The following APIP variants were observed in gnomAD, a reference collection of about 807,000 sequenced individuals.
APIP encodes APAF1 interacting protein, also known as methylthioribulose-1-phosphate dehydratase.
A neutral mutation model predicts 32.0 loss-of-function variants in APIP; 32 were observed. The observed-to-expected ratio is 1.00, with a 90% confidence interval of 0.76 to 1.34. APIP has a LOEUF of 1.34. Ranked by LOEUF, APIP falls within the 40% of genes most tolerant of loss-of-function variation. The probability of loss-of-function intolerance (pLI) is 0.00; values close to 1 mark genes in which losing one functional copy is unlikely to be tolerated. For synonymous variants in APIP, 92 were observed against 94.8 expected, an observed-to-expected ratio of 0.97 and a Z score of 0.17; for missense variants, 247 against 298.6, an observed-to-expected ratio of 0.83 and a Z score of 1.27.
intron 5 of APIP, among the ~76,000 whole-genome samples, chr11:34,884,696 C>T (rs547734554): frequency 6.6e-6 from 1 of 150,582 alleles, no homozygotes; most frequent in African/African-American, 2.4e-5. Flanking sequence ...TACACTCTAG[C>T]CTTGGCGACA....
chr11:34,914,581 C>A (rs1299964187), intron 1 of APIP, among the ~76,000 whole-genome samples: 1 of 152,070 alleles, frequency 6.6e-6, no homozygotes, highest in Non-Finnish European at 1.5e-5. Context: ...GCTGTGGTAA[C>A]CTGGCCAGCA....
chr11:34,900,325 C>T (rs911988998), intron 1 of APIP, among the ~76,000 whole-genome samples: 2 of 151,206 alleles, frequency 1.3e-5, no homozygotes, highest in African/African-American at 4.9e-5. Context: ...CTTCCAGTCC[C>T]CCTCCAATTG....
At chr11:34,915,519 T>C (rs570072573) in intron 1 of APIP, among the ~76,000 whole-genome samples, 5 of 152,322 alleles carry the variant, frequency 3.3e-5, no homozygotes, top group Admixed American at 2.6e-4. Flanking sequence ...TATCATATTG[T>C]GCTGAAACTG....
At chr11:34,883,846 T>C (rs1295272120) in intron 5 of APIP, among the ~76,000 whole-genome samples, 1 of 152,222 alleles carries the variant, frequency 6.6e-6, no homozygotes, top group Non-Finnish European at 1.5e-5. Flanking sequence ...GCAAATGATA[T>C]ATTTCAGAAT....
chr11:34,890,473 A>T, intron 3 of APIP, 31 bp downstream of exon 3: 1 of 1,584,238 alleles, frequency 6.3e-7, no homozygotes, highest in Non-Finnish European at 8.6e-7. Flanking sequence ...AGAAGAAAAG[A>T]CACTGAGGTT....
At chr11:34,888,074 T>TTAC (rs1853107668) in intron 5 of APIP, among the ~76,000 whole-genome samples, 1 of 152,098 alleles carries the variant, frequency 6.6e-6, no homozygotes, top group South Asian at 2.1e-4. Flanking sequence ...ATTATTCATA[T>TTAC]TACTAATAAT....
At chr11:34,896,908 A>T in intron 1 of APIP, 1 of 953,690 alleles carries the variant, frequency 1.0e-6, no homozygotes. Flanking sequence ...AAACCTAATG[A>T]AAAATCCCCA....
At chr11:34,909,606 A>G (rs1363497599) in intron 1 of APIP, among the ~76,000 whole-genome samples, 1 of 152,134 alleles carries the variant, frequency 6.6e-6, no homozygotes, top group Non-Finnish European at 1.5e-5. Context: ...GCAGGTGTGA[A>G]GGCTCTGAAG....
chr11:34,912,060 T>C (rs927389518), intron 1 of APIP, among the ~76,000 whole-genome samples: 2 of 152,202 alleles, frequency 1.3e-5, no homozygotes, highest in African/African-American at 4.8e-5. Context: ...TGACTTTTGC[T>C]GATGTTAGAA....
intron 1 of APIP, among the ~76,000 whole-genome samples, chr11:34,898,954 G>A (rs549353074): frequency 2.6e-4 from 39 of 151,864 alleles, no homozygotes; most frequent in Middle Eastern, 3.4e-3. Flanking sequence ...GCCCGCCACC[G>A]CGCCCAGCTA....
intron 1 of APIP, among the ~76,000 whole-genome samples, chr11:34,910,018 T>C (rs142275706): frequency 4.1e-4 from 62 of 152,074 alleles, no homozygotes; most frequent in African/African-American, 1.5e-3. Flanking sequence ...GACAAGAGAA[T>C]AAAAGGTATA....
intron 5 of APIP, among the ~76,000 whole-genome samples, chr11:34,886,844 C>T (rs1853081323): frequency 6.6e-6 from 1 of 152,154 alleles, no homozygotes. Context: ...GTGCAGTAGG[C>T]TATACCATTT....
chr11:34,909,506 C>CATG (rs921568134), intron 1 of APIP, among the ~76,000 whole-genome samples: 6 of 152,102 alleles, frequency 3.9e-5, no homozygotes, highest in Non-Finnish European at 7.4e-5. Context: ...ACCTAAAAGA[C>CATG]ATGAACTAAG....
chr11:34,916,018 G>T, intron 1 of APIP: 1 of 628,204 alleles, frequency 1.6e-6, no homozygotes, highest in Non-Finnish European at 2.7e-6. Flanking sequence ...CCATCGGAGC[G>T]CCCCGCCCGA....
intron 2 of APIP, among the ~76,000 whole-genome samples, chr11:34,894,586 C>A (rs1006021503): frequency 1.3e-5 from 2 of 151,942 alleles, no homozygotes; most frequent in African/African-American, 2.4e-5. Flanking sequence ...GAAGTCAAGG[C>A]TGCAGTGAGC....
chr11:34,892,356 T>C (rs988875511), intron 2 of APIP, among the ~76,000 whole-genome samples: 1 of 152,214 alleles, frequency 6.6e-6, no homozygotes, highest in Non-Finnish European at 1.5e-5. Flanking sequence ...ATTTTCACTG[T>C]GGTAAGCAAG....
intron 1 of APIP, 106 bp downstream of exon 1, chr11:34,916,122 C>T: frequency 6.9e-7 from 1 of 1,448,720 alleles, no homozygotes; most frequent in Non-Finnish European, 9.3e-7. Context: ...AAACCCCGCC[C>T]CGCAGCTAAA....
chr11:34,895,880 T>C (rs925671526), intron 1 of APIP, among the ~76,000 whole-genome samples: 8 of 152,086 alleles, frequency 5.3e-5, no homozygotes, highest in Non-Finnish European at 8.8e-5. Flanking sequence ...AATAAATAAA[T>C]AAATAAATGA....
At chr11:34,912,053 C>G (rs1853561656) in intron 1 of APIP, among the ~76,000 whole-genome samples, 1 of 152,138 alleles carries the variant, frequency 6.6e-6, no homozygotes. Context: ...CACTCCTTGA[C>G]TTTTGCTGAT....
Sources: allele counts gnomAD v4.1 joint callset (sites outside exome capture counted in the v4.1 genomes callset), GRCh38; gene constraint gnomAD v4.1.1; transcripts MANE v1.5; gene names NCBI Gene and HGNC (gene_info 2026-07-23, HGNC 2026-07-21).